The following SPTBN5 variants were observed in gnomAD, a reference collection of about 807,000 sequenced individuals.
SPTBN5 encodes the protein spectrin beta chain, non-erythrocytic 5.
Under a neutral mutation model 477.6 loss-of-function variants are expected in SPTBN5, and 513 were observed. The observed-to-expected ratio is 1.07, with a 90% CI of 1.00 to 1.16. The LOEUF (loss-of-function observed/expected upper bound fraction) is 1.16, where lower values mean the gene tolerates loss of function less well. Among genes scored for constraint, SPTBN5 ranks in the 50% most tolerant of loss-of-function variants. The pLI is 0.00. For missense variants in SPTBN5, 5,062 were observed against 4,731.8 expected (o/e 1.07, Z -2.05); for synonymous variants, 2,169 against 2,011.7 (o/e 1.08, Z -2.09).
At chr15:41,851,933 C>A in intron 62 of SPTBN5, 83 bp from the exon 63 acceptor site, 1 of 1,140,322 alleles carries the variant, frequency 8.8e-7, no homozygotes, top group Non-Finnish European at 1.3e-6. Context: ...CCCCAGCTCT[C>A]TTTATTCCTC....
In SPTBN5 at chr15:41,857,441, G is replaced by A. The variant is rs780134986; in HGVS notation, c.8418C>T (p.Ile2806=). 2.7e-5 allele frequency: 44 copies of A among 1,606,806 alleles called. No homozygotes were observed. The highest frequency in any genetic ancestry group is 2.3e-4 in the African/African-American group (17 of 74,798). The stretch of plus-strand genomic sequence containing the variant: ...CAGTGGGGGCTCTCAGCTCAACCTC[G>A]ATGGGCTCCAGCCAGTTCTCCAGTT... ...MEELENWLEP[I]EVELRAPTVG... The change falls in exon 51 of 68, where the codon ATC becomes ATT. Residue 2806 remains isoleucine (I), a synonymous_variant. Coordinates refer to ENST00000320955, the MANE Select transcript of SPTBN5 (RefSeq NM_016642.4).
At chr15:41,855,057 T>C in intron 55 of SPTBN5, 81 bp from the exon 56 acceptor site, 1 of 1,462,264 alleles carries the variant, frequency 6.8e-7, no homozygotes, top group South Asian at 1.4e-5. Context: ...CAGCAGACTC[T>C]GATGGCTCTG....
At chr15:41,875,159 G>T (rs577949219) in intron 22 of SPTBN5, 103 bp from the exon 23 acceptor site, 1 of 1,147,598 alleles carries the variant, frequency 8.7e-7, no homozygotes, top group Non-Finnish European at 1.2e-6. Flanking sequence ...AGATTCACCA[G>T]GGAGCTCTGT....
At chr15:41,878,279 A>C (rs1014614126) in intron 17 of SPTBN5, 63 bp downstream of exon 17, 5 of 1,558,354 alleles carry the variant, frequency 3.2e-6, no homozygotes, top group Non-Finnish European at 4.4e-6. Context: ...TCTGGGCCTG[A>C]ACCCAGAGCC....
chr15:41,890,301 T>C, intron 3 of SPTBN5, 96 bp from the exon 4 acceptor site: 1 of 798,270 alleles, frequency 1.3e-6, no homozygotes, highest in Non-Finnish European at 2.1e-6. Flanking sequence ...GATGGGAGCA[T>C]CCTGGAATCT....
At chr15:41,874,161 G>C in intron 24 of SPTBN5, 116 bp from the exon 25 acceptor site, 1 of 1,503,154 alleles carries the variant, frequency 6.7e-7, no homozygotes, top group Middle Eastern at 1.8e-4. Context: ...AAAATAGCTG[G>C]GGCAGAGATT....
At position 41,876,919 on chromosome 15, in the gene SPTBN5, C is replaced by G. The variant is rs2066756887; in HGVS notation, c.3741G>C (p.Leu1247=). The change falls in exon 19 of 68, where the codon CTG becomes CTC. Residue 1247 remains leucine, a synonymous_variant. Coordinates refer to ENST00000320955, the MANE Select transcript of SPTBN5 (RefSeq NM_016642.4). ...GCCGCCCAAACTCCCGGTGCTGCTG[C>G]AGCAGGCTCAGGGCCTCCCTCACGT... ...GEDVREALSL[L]QQHREFGRLL... 6.2e-7 allele frequency: 1 copy of G among 1,609,690 alleles called. No individual in the cohort carries two copies. Among genetic ancestry groups the G allele is most frequent in the African/African-American group, 1.3e-5 (1 of 74,844 alleles).
Position 41,893,475 on chromosome 15 carries a change from G to A in SPTBN5, c.23C>T (p.Pro8Leu), listed in dbSNP as rs767520801. ...CCCTGCAGCCCCGAGGAGCTCCCGG[G>A]GACTGTGGGGCTGACCAGCCATCAG... is the stretch of plus-strand genomic sequence containing the variant. MAGQPHS[P>L]RELLGAAGHR... is the part of the protein sequence containing the mutation. The change falls in exon 2 of 68, where the codon CCC becomes CTC. Residue 8 changes from proline (P) to leucine (L), a missense_variant. By Grantham distance (98) the Pro-to-Leu change is moderately conservative. Coordinates refer to ENST00000320955, the MANE Select transcript of SPTBN5 (RefSeq NM_016642.4). The A allele has an allele frequency of 6.3e-6, 10 of 1,593,926 alleles. No homozygotes were observed. The highest frequency in any genetic ancestry group is 1.7e-5 in the Admixed American group (1 of 57,328).
chr15:41,872,600 C>T (rs2066584816), intron 26 of SPTBN5, 141 bp from the exon 27 acceptor site: 1 of 856,058 alleles, frequency 1.2e-6, no homozygotes, highest in Non-Finnish European at 1.8e-6. Context: ...ACTCATTCAT[C>T]CACCCACCCA....
rs188980142 is a variant in SPTBN5, at chr15:41,876,176, G to T, written c.4060C>A (p.Arg1354=). 4.0e-4 allele frequency: 641 copies of T among 1,605,988 alleles called. 1 individual carries two copies. In the African/African-American group the frequency reaches 7.6e-3, roughly 19 times the overall value. The part of the protein sequence containing the change: ...ARRNILQTLK[R]HEAAESELLA... Reference sequence around the variant, plus strand: ...AGCTCGCTCTCAGCTGCTTCGTGCCGCTTGAGTGTCTGCAGGATGTTTCTG... The same window carrying T: ...AGCTCGCTCTCAGCTGCTTCGTGCCTCTTGAGTGTCTGCAGGATGTTTCTG... Residue 1354 remains arginine, a synonymous_variant, in exon 21 of 68, where the codon CGG becomes AGG. Coordinates refer to ENST00000320955, the MANE Select transcript of SPTBN5 (RefSeq NM_016642.4).
In SPTBN5 at chr15:41,869,907, C is replaced by T; in HGVS notation, c.5787G>A (p.Gln1929=). Residue 1929 remains glutamine, a synonymous_variant, in exon 32 of 68, where the codon CAG becomes CAA. Transcript: ENST00000320955. The stretch of plus-strand genomic sequence containing the variant: ...GGGCCCTGCGCTGCTCCATGCGTCG[C>T]TGCAGCACTGCCCACGCCTGCGTCA... ...QAVTQAWAVL[Q]RRMEQRRAQL... The T allele has an allele frequency of 1.9e-6, 3 of 1,552,264 alleles. No homozygotes were observed. The highest frequency in any genetic ancestry group is 2.6e-6 in the Non-Finnish European group (3 of 1,150,650).
rs1390995112 is a variant in SPTBN5 at position 41,867,624 on chromosome 15, C to T, written c.6226G>A (p.Ala2076Thr). Residue 2076 changes from alanine (A) to threonine (T), a missense_variant, in exon 35 of 68, where the codon GCC becomes ACC. By Grantham distance (58) the Ala-to-Thr change is moderately conservative. Transcript: ENST00000320955. Reference protein sequence around the residue: ...AAQEVSLKTSALGSSVEEVEQ... With the variant: ...AAQEVSLKTSTLGSSVEEVEQ... ...ACCTCTTCCACCGAGCTCCCCAAGG[C>T]ACTGGTTTTCAGGGAGACCTGGATC... 1 of 1,613,706 alleles carries T rather than the reference C, an allele frequency of 6.2e-7. No homozygotes were observed. The highest frequency in any genetic ancestry group is 2.2e-5 in the East Asian group (1 of 44,884).
At chr15:41,858,498 A>C (rs758273505) in intron 49 of SPTBN5, 104 bp downstream of exon 49, 5 of 1,371,164 alleles carry the variant, frequency 3.6e-6, no homozygotes, top group Non-Finnish European at 3.9e-6. Context: ...AAAGTACTGG[A>C]TAACGCTGGC....
At chr15:41,871,354 C>T (rs1258375290) in intron 29 of SPTBN5, 21 bp downstream of exon 29, 3 of 1,402,790 alleles carry the variant, frequency 2.1e-6, no homozygotes, top group Non-Finnish European at 2.8e-6. Context: ...CCCATGCTGG[C>T]CTGGCCCGTT....
chr15:41,857,479 G>T lies in SPTBN5; in HGVS notation c.8380C>A (p.Arg2794=), dbSNP rs373519127. 1.5e-5 allele frequency: 24 copies of T among 1,607,904 alleles called. No individual in the cohort carries two copies. The Admixed American group carries it at 3.9e-4, about 26-fold the overall frequency. The part of the protein sequence containing the change: ...QKACEALRLR[R]SMEELENWLE... ...CAGTTCTCCAGTTCCTCCATGCTCC[G>T]CCGCAGACGCAGGGCCTAGGGTAGA... Residue 2794 remains arginine (R), a synonymous_variant, in exon 51 of 68, where the codon CGG becomes AGG. Transcript: ENST00000320955.
chr15:41,876,847 G>T lies in SPTBN5; in HGVS notation c.3813C>A (p.Gly1271=). The change falls in exon 19 of 68, where the codon GGC becomes GGA. Residue 1271 remains glycine (G), a synonymous_variant. Coordinates refer to ENST00000320955, the MANE Select transcript of SPTBN5 (RefSeq NM_016642.4). ...GGTGCTGGCTCTGAACCAGCTTCTC[G>T]CCGTGTGCCCGCAGAGCCTCTGCCC... The part of the protein sequence containing the change: ...GPRAEALRAH[G]EKLVQSQHPA... 1.2e-6 allele frequency: 2 copies of T among 1,610,386 alleles called. No individual in the cohort carries two copies. The highest frequency in any genetic ancestry group is 8.5e-7 in the Non-Finnish European group (1 of 1,179,824).
chr15:41,882,706 GC>G lies in SPTBN5; in HGVS notation c.1924del (p.Ala642GlnfsTer14), dbSNP rs774386745. On this transcript the variant is annotated frameshift_variant, in exon 10 of 68. Transcript: ENST00000320955. LOFTEE classifies it high-confidence loss of function. ...RALLEQTLQR[A>X]EFLRNCEEEE... ...CTCCTCACAGTTGCGCAGGAACTCTGCCCGCTGCAGGGTCTGCTCCAGCAGG... is the reference window on the plus strand; with the variant it reads ...CTCCTCACAGTTGCGCAGGAACTCTGCCGCTGCAGGGTCTGCTCCAGCAGG... The G allele has an allele frequency of 5.0e-6, 8 of 1,609,836 alleles. No homozygotes were observed. Among genetic ancestry groups the G allele is most frequent in the Non-Finnish European group, 6.8e-6 (8 of 1,178,466 alleles).
chr15:41,856,957 C>T lies in SPTBN5; in HGVS notation c.8704G>A (p.Ala2902Thr), dbSNP rs752061231. ...TGCACCCAGGCCATTTCCTCGTCGG[C>T]GTCCCTGAAGAACTTCAAGAGGAGG... ...RSLLLKFFRD[A>T]DEEMAWVQEK... The change falls in exon 52 of 68, where the codon GCC (alanine) becomes ACC (threonine). Residue 2902 changes from alanine (A) to threonine (T), a missense_variant. Coordinates refer to ENST00000320955, the MANE Select transcript of SPTBN5 (RefSeq NM_016642.4). 7.5e-6 allele frequency: 12 copies of T among 1,593,000 alleles called. No individual in the cohort carries two copies. The highest frequency in any genetic ancestry group is 4.6e-5 in the East Asian group (2 of 43,792).
intron 57 of SPTBN5, 102 bp downstream of exon 57, chr15:41,853,948 A>G: frequency 6.9e-7 from 1 of 1,457,290 alleles, no homozygotes; most frequent in Admixed American, 2.3e-5. Context: ...TTTCTGGAGA[A>G]GAGGCTGAAG....
Sources: allele counts gnomAD v4.1 joint callset, GRCh38; gene constraint gnomAD v4.1.1; transcripts MANE v1.5; gene names NCBI Gene and HGNC (gene_info 2026-07-23, HGNC 2026-07-21).